The following DHRS1 variants were observed in gnomAD, a reference collection of about 807,000 sequenced individuals.
The protein encoded by DHRS1 is dehydrogenase/reductase 1.
A neutral mutation model predicts 35.2 loss-of-function variants in DHRS1; 34 were observed. The ratio of observed to expected loss-of-function variants is 0.97; its 90% confidence interval spans 0.74 to 1.29. The LOEUF is 1.29. Ranked by LOEUF, DHRS1 falls within the 50% of genes most tolerant of loss-of-function variation. DHRS1 has a pLI of 0.00. For synonymous variants in DHRS1, 133 were observed against 160.0 expected, an observed-to-expected ratio of 0.83 and a Z score of 1.27; for missense variants, 354 against 403.6, an observed-to-expected ratio of 0.88 and a Z score of 1.05.
intron 2 of DHRS1, 122 bp from the exon 3 acceptor site, chr14:24,297,003 G>A: frequency 1.5e-6 from 2 of 1,361,620 alleles, no homozygotes; most frequent in Non-Finnish European, 1.0e-6. Flanking sequence ...GCCTGCTGCA[G>A]AGGCAACATG....
chr14:24,293,355 CTT>C, intron 4 of DHRS1: 1 of 152,822 alleles, frequency 6.5e-6, no homozygotes, highest in Non-Finnish European at 1.5e-5. Flanking sequence ...GGGCAGATCA[CTT>C]GAGCTCAGGA....
At position 24,290,919 on chromosome 14, in the gene DHRS1, G is replaced by A. The variant is rs1482397160; in HGVS notation, c.882C>T (p.Tyr294=). Residue 294 remains tyrosine, a synonymous_variant, in exon 9 of 9, where the codon TAC becomes TAT. Coordinates refer to ENST00000288111, the MANE Select transcript of DHRS1 (RefSeq NM_001136050.3). ...HVSGLGWLAS[Y]LPSFLRVPKW... ...TGGGCACACGGAGGAAGGAGGGCAG[G>A]TAGGAGGCCAGCCAGCCCAGGCCGG... 1.2e-6 allele frequency: 2 copies of A among 1,613,950 alleles called. No homozygotes were observed. The highest frequency in any genetic ancestry group is 1.7e-5 in the Admixed American group (1 of 60,000).
At chr14:24,297,128 G>A (rs2041263445) in intron 2 of DHRS1, among the ~76,000 whole-genome samples, 1 of 152,236 alleles carries the variant, frequency 6.6e-6, no homozygotes, top group African/African-American at 2.4e-5. Context: ...AACATTTACT[G>A]AGGCCCACCA....
rs1452841115 is a variant in DHRS1 at position 24,291,015 on chromosome 14, G to A, written c.806-20C>T. The A allele has an allele frequency of 6.2e-7, 1 of 1,613,900 alleles. No homozygotes were observed. The highest frequency in any genetic ancestry group is 8.5e-7 in the Non-Finnish European group (1 of 1,179,954). ...GGCGGCCTGGGAACAACAGGAGGAG[G>A]AGGATTAGATTCTCATTTCCCACTC... On this transcript the variant is annotated intron_variant, in intron 8 of 8. Coordinates refer to ENST00000288111, the MANE Select transcript of DHRS1 (RefSeq NM_001136050.3).
Position 24,291,640 on chromosome 14 carries a change from C to T in DHRS1, c.655-15G>A. On this transcript the variant is annotated splice_polypyrimidine_tract_variant and intron_variant, in intron 6 of 8. Transcript: ENST00000288111. The stretch of plus-strand genomic sequence containing the variant: ...GCTGATTTGAACTGAAACACAGGGG[C>T]AGAGAAGTGAAGGGTTAATTTCCAA... 6.2e-7 allele frequency: 1 copy of T among 1,613,488 alleles called. No homozygotes were observed. Among genetic ancestry groups the T allele is most frequent in the Admixed American group, 1.7e-5 (1 of 60,016 alleles).
chr14:24,292,704 G>A lies in DHRS1; in HGVS notation c.455C>T (p.Pro152Leu). Residue 152 changes from proline (P) to leucine (L), a missense_variant, in exon 5 of 9, where the codon CCA becomes CTA. Transcript: ENST00000288111. ...ATTGAACATATACTGCAGGCTTCCT[G>A]GGGAGGAGATGACCACGATGAGCCC... ...GQGLIVVISS[P>L]GSLQYMFNVP... 1 of 1,614,206 alleles carries A rather than the reference G, an allele frequency of 6.2e-7. No individual in the cohort carries two copies. Among genetic ancestry groups the A allele is most frequent in the Non-Finnish European group, 8.5e-7 (1 of 1,180,034 alleles).
intron 2 of DHRS1, among the ~76,000 whole-genome samples, chr14:24,297,581 T>C (rs1354069222): frequency 1.3e-5 from 2 of 152,182 alleles, no homozygotes; most frequent in Non-Finnish European, 2.9e-5. Flanking sequence ...AATTAATTCT[T>C]CATAATCCAG....
At position 24,291,349 on chromosome 14, in the gene DHRS1, G is replaced by A. The variant is rs2041154761; in HGVS notation, c.725-130C>T. ...ATCCCTGGAGAGCTCTTTCTCTTGG[G>A]CCTTGGACTTTTTCCACACTTCCCA... On this transcript the variant is annotated intron_variant, in intron 7 of 8. Coordinates refer to ENST00000288111, the MANE Select transcript of DHRS1 (RefSeq NM_001136050.3). The A allele has an allele frequency of 5.2e-6, 6 of 1,149,942 alleles. No individual in the cohort carries two copies. In the Admixed American group the frequency reaches 9.0e-5, roughly 17 times the overall value. 71.2% of individuals were successfully genotyped at this position (1,149,942 alleles called of 1,614,324 possible).
intron 7 of DHRS1, 163 bp from the exon 8 acceptor site, chr14:24,291,382 G>A: frequency 9.8e-7 from 1 of 1,025,354 alleles, no homozygotes. Flanking sequence ...CCAGGAGCCT[G>A]CTCCTAAGGC....
chr14:24,294,648 T>A (rs2041219310), intron 4 of DHRS1: 1 of 152,084 alleles, frequency 6.6e-6, no homozygotes, highest in African/African-American at 2.4e-5. Flanking sequence ...GGAGTATGCG[T>A]GTGAAAAATG....
chr14:24,299,276 C>A (rs1425617230), intron 1 of DHRS1, 146 bp from the exon 2 acceptor site: 6 of 726,312 alleles, frequency 8.3e-6, no homozygotes, highest in Non-Finnish European at 1.1e-5. Flanking sequence ...CAGAGGCTGA[C>A]AACTGGGTGC....
intron 6 of DHRS1, chr14:24,291,932 C>G (rs915929298): frequency 1.6e-6 from 1 of 607,380 alleles, no homozygotes; most frequent in East Asian, 2.8e-5. Flanking sequence ...GTCTTTGGAG[C>G]TAGACAGCCT....
chr14:24,292,189 T>C lies in DHRS1; in HGVS notation c.649A>G (p.Lys217Glu). ...TTCGCCCTCCCCTTGCCAACCTGCTTCAACACAGGATCCTGCAGGACCTCC... is the reference window on the plus strand; with the variant it reads ...TTCGCCCTCCCCTTGCCAACCTGCTCCAACACAGGATCCTGCAGGACCTCC... ...KEEVLQDPVL[K>E]QFKSAFSSAE... is the part of the protein sequence containing the mutation. Residue 217 changes from lysine to glutamate, a missense_variant, in exon 6 of 9, where the codon AAG becomes GAG. Coordinates refer to ENST00000288111, the MANE Select transcript of DHRS1 (RefSeq NM_001136050.3). 1 of 1,614,014 alleles carries C rather than the reference T, an allele frequency of 6.2e-7. No homozygotes were observed.
chr14:24,298,281 G>T (rs1233671465), intron 2 of DHRS1, among the ~76,000 whole-genome samples: 3 of 152,172 alleles, frequency 2.0e-5, no homozygotes, highest in African/African-American at 7.2e-5. Context: ...CCAACTGCTG[G>T]CCTCAAGTGA....
At chr14:24,292,825 G>T in intron 4 of DHRS1, 41 bp from the exon 5 acceptor site, 1 of 1,583,542 alleles carries the variant, frequency 6.3e-7, no homozygotes. Context: ...AACCGTGTTA[G>T]TGCTGGCCTG....
Position 24,291,548 on chromosome 14 carries a change from A to C in DHRS1, c.724+8T>G. On this transcript the variant is annotated splice_region_variant and intron_variant, in intron 7 of 8. Transcript: ENST00000288111. ...CCTTTCTTATTACCAGCTGCCCCCA[A>C]ACTTCACCTGTTGCCAAAGCCACCA... 3.7e-6 allele frequency: 6 copies of C among 1,614,106 alleles called. No homozygotes were observed. Among genetic ancestry groups the C allele is most frequent in the Non-Finnish European group, 3.4e-6 (4 of 1,179,982 alleles).
chr14:24,298,854 GAGTAGTATTAT>G (rs1373507799), intron 2 of DHRS1, 92 bp downstream of exon 2: 9 of 1,230,596 alleles, frequency 7.3e-6, no homozygotes, highest in Non-Finnish European at 9.9e-6. Flanking sequence ...ACATCTTGTT[GAGTAGTATTAT>G]AGTTTCAGGT....
In DHRS1 at chr14:24,291,732, A is replaced by C. The variant is rs1437925750; in HGVS notation, c.655-107T>G. 4.1e-6 allele frequency: 5 copies of C among 1,216,646 alleles called. No homozygotes were observed. In the African/African-American group the frequency reaches 7.4e-5, roughly 18 times the overall value. The allele number at this position is 1,216,646 out of a possible 1,614,324, so 75.4% of individuals were successfully genotyped here. A position where few individuals can be genotyped will look rare whatever the true frequency, so the allele number is the denominator to read the frequency against. On this transcript the variant is annotated intron_variant, in intron 6 of 8. Transcript: ENST00000288111. The stretch of plus-strand genomic sequence containing the variant: ...AGGAGAAAAAGACCAAAGACCAAAG[A>C]GGCCAAAGACCTCAAGCAGGGCCTG...
chr14:24,290,874 G>T lies in DHRS1; in HGVS notation c.927C>A (p.Tyr309Ter). The T allele has an allele frequency of 6.2e-7, 1 of 1,613,892 alleles. No homozygotes were observed. The highest frequency in any genetic ancestry group is 8.5e-7 in the Non-Finnish European group (1 of 1,179,988). Residue 309 changes from tyrosine to a stop codon, truncating the protein, a stop_gained, in exon 9 of 9, where the codon TAC (tyrosine) becomes TAA (stop). Coordinates refer to ENST00000288111, the MANE Select transcript of DHRS1 (RefSeq NM_001136050.3). LOFTEE classifies it high-confidence loss of function. ...ACCAGGAGGGTTAGAACTTGCTAGT[G>T]TAGAGGGCAATAATCCACTTGGGCA... ...LRVPKWIIALYTSKF is the reference protein window; with the variant it reads ...LRVPKWIIAL
Sources: gnomAD v4.1 joint callset for allele counts (sites outside exome capture counted in the v4.1 genomes callset) on GRCh38, gnomAD v4.1.1 for gene constraint, MANE v1.5 for transcripts, NCBI Gene and HGNC (gene_info 2026-07-23, HGNC 2026-07-21) for gene names.